NRXN1: variants seen among roughly 807,000 people sequenced by gnomAD.
NRXN1 encodes the protein neurexin 1.
Under a neutral mutation model 150.9 loss-of-function variants are expected in NRXN1, and 39 were observed. The observed-to-expected ratio is 0.26, with a 90% CI of 0.20 to 0.34. The LOEUF is 0.34. Among genes scored for constraint, NRXN1 ranks in the 10% least tolerant of loss-of-function variants. NRXN1 has a pLI of 1.00. For synonymous variants in NRXN1, 924 were observed against 757.0 expected, an observed-to-expected ratio of 1.22 and a Z score of -3.62; for missense variants, 1,815 against 1,949.9, an observed-to-expected ratio of 0.93 and a Z score of 1.30.
chr2:50,340,187 A>G (rs2077457000), intron 17 of NRXN1, among the ~76,000 whole-genome samples: 1 of 152,226 alleles, frequency 6.6e-6, no homozygotes, highest in Non-Finnish European at 1.5e-5. Context: ...ATATGAAGGC[A>G]CTGTGGAAAT....
intron 21 of NRXN1, among the ~76,000 whole-genome samples, chr2:49,959,417 T>C (rs760576076): frequency 3.3e-5 from 5 of 152,240 alleles, no homozygotes; most frequent in Non-Finnish European, 5.9e-5. Flanking sequence ...ATTCACCTGG[T>C]GTACCCTGAA....
intron 17 of NRXN1, among the ~76,000 whole-genome samples, chr2:50,357,023 T>C (rs2078864992): frequency 6.6e-6 from 1 of 151,990 alleles, no homozygotes; most frequent in African/African-American, 2.4e-5. Context: ...AGGCCTGAAA[T>C]CTTAGCACTT....
At position 50,277,406 on chromosome 2, in the gene NRXN1, T is replaced by TCCTTC. The variant is rs1356374716; in HGVS notation, c.3365-40441_3365-40437dup. 7.2e-4 allele frequency among the ~76,000 whole-genome samples: 65 copies of TCCTTC among 90,882 alleles called. 1 individual carries two copies. The highest frequency in any genetic ancestry group is 2.7e-3 in the African/African-American group (64 of 23,664). 59.6% of individuals were successfully genotyped at this position (90,882 alleles called of 152,430 possible). Reference sequence around the variant, plus strand: ...CGTCCTTCCTTCCTTCCTTCCTCCCTCCTTCCCTTCCTTCCTTCCTCCCTC... The same window carrying TCCTTC: ...CGTCCTTCCTTCCTTCCTTCCTCCCTCCTTCCCTTCCCTTCCTTCCTTCCTCCCTC... On this transcript the variant is annotated intron_variant, in intron 17 of 22. Coordinates refer to ENST00000401669, the MANE Select transcript of NRXN1 (RefSeq NM_001330078.2).
At chr2:50,764,637 A>T (rs1325615859) in intron 5 of NRXN1, among the ~76,000 whole-genome samples, 1 of 151,998 alleles carries the variant, frequency 6.6e-6, no homozygotes, top group African/African-American at 2.4e-5. Context: ...TTGCTCAGCC[A>T]TATTGTTAGT....
rs922004304 is a variant in NRXN1, at chr2:50,829,733, G to A, written c.832+92136C>T. ...CCAGAGCTCGCCCACGGTTGGCAGC[G>A]CCCAAGGTTGCACGGCATGGCCCGC... On this transcript the variant is annotated intron_variant, in intron 5 of 22. Transcript: ENST00000401669. 18 of 1,586,134 alleles carry A rather than the reference G, an allele frequency of 1.1e-5. No homozygotes were observed. In the East Asian group the frequency reaches 1.4e-4, roughly 12 times the overall value.
chr2:50,663,739 G>A (rs1194869732), intron 5 of NRXN1, among the ~76,000 whole-genome samples: 1 of 151,976 alleles, frequency 6.6e-6, no homozygotes, highest in African/African-American at 2.4e-5. Context: ...ATTCACATAT[G>A]AATCATCCAG....
intron 17 of NRXN1, among the ~76,000 whole-genome samples, chr2:50,323,076 C>G (rs1275332466): frequency 6.6e-6 from 1 of 152,198 alleles, no homozygotes; most frequent in Non-Finnish European, 1.5e-5. Context: ...TCATATCCTT[C>G]ATAAAACTTA....
intron 17 of NRXN1, among the ~76,000 whole-genome samples, chr2:50,330,542 C>A (rs1337963164): frequency 6.6e-6 from 1 of 152,074 alleles, no homozygotes. Context: ...CCTTCCCCAA[C>A]CCAGAAGTTA....
At chr2:50,759,382 T>C (rs188040238) in intron 5 of NRXN1, among the ~76,000 whole-genome samples, 1 of 152,026 alleles carries the variant, frequency 6.6e-6, no homozygotes, top group Admixed American at 6.6e-5. Context: ...TGTATCTTTT[T>C]ATCTTGGGCT....
intron 17 of NRXN1, among the ~76,000 whole-genome samples, chr2:50,297,926 C>T (rs935680941): frequency 4.6e-5 from 7 of 152,040 alleles, no homozygotes; most frequent in African/African-American, 1.4e-4. Context: ...AAACAAAATC[C>T]GGGCACTTGA....
Position 50,528,829 on chromosome 2 carries a change from T to C in NRXN1, c.2348-178A>G, listed in dbSNP as rs558650611. The C allele has an allele frequency of 8.0e-6, 4 of 497,116 alleles. No individual in the cohort carries two copies. The South Asian group carries it at 1.0e-4, about 13-fold the overall frequency. 30.8% of individuals were successfully genotyped at this position (497,116 alleles called of 1,614,324 possible). A position where few individuals can be genotyped will look rare whatever the true frequency, so the allele number is the denominator to read the frequency against. On this transcript the variant is annotated intron_variant, in intron 11 of 22. Transcript: ENST00000401669. ...GATGTTTTGTTATAAAAGTTTACCA[T>C]TGGAAACAACAATAGAAGGTTTTAA...
chr2:50,687,108 A>G (rs1294917446), intron 5 of NRXN1, among the ~76,000 whole-genome samples: 1 of 152,176 alleles, frequency 6.6e-6, no homozygotes, highest in African/African-American at 2.4e-5. Context: ...TAACAAGGTA[A>G]TATCTGCAAA....
chr2:49,927,873 T>G (rs1013278010), intron 22 of NRXN1, among the ~76,000 whole-genome samples: 1 of 152,156 alleles, frequency 6.6e-6, no homozygotes, highest in South Asian at 2.1e-4. Context: ...ATCTTATATA[T>G]ATATTTTGGT....
chr2:50,913,062 A>G (rs1264394099), intron 5 of NRXN1: 4 of 151,866 alleles, frequency 2.6e-5, no homozygotes, highest in Non-Finnish European at 4.4e-5. Flanking sequence ...CACTGCTGAG[A>G]AAACAATTCA....
At chr2:50,236,026 C>T (rs1455068423) in intron 18 of NRXN1, among the ~76,000 whole-genome samples, 1 of 152,036 alleles carries the variant, frequency 6.6e-6, no homozygotes, top group African/African-American at 2.4e-5. Flanking sequence ...GAGTTGCAAA[C>T]ATACTCATTA....
At chr2:50,634,591 C>A (rs1682947459) in intron 5 of NRXN1, among the ~76,000 whole-genome samples, 1 of 151,946 alleles carries the variant, frequency 6.6e-6, no homozygotes, top group Admixed American at 6.6e-5. Context: ...ACTTCTTTTC[C>A]CCATCTCTTA....
At chr2:50,633,505 T>C (rs1682727243) in intron 5 of NRXN1, among the ~76,000 whole-genome samples, 2 of 150,862 alleles carry the variant, frequency 1.3e-5, no homozygotes, top group Non-Finnish European at 3.0e-5. Context: ...CAAGGCTTTT[T>C]GGTTTATTTT....
chr2:50,060,039 C>G (rs950065228), intron 19 of NRXN1, among the ~76,000 whole-genome samples: 1 of 152,190 alleles, frequency 6.6e-6, no homozygotes, highest in South Asian at 2.1e-4. Flanking sequence ...AAGAGGGCCA[C>G]TGTCCTCCAG....
intron 17 of NRXN1, among the ~76,000 whole-genome samples, chr2:50,263,028 C>T (rs985030891): frequency 8.6e-5 from 13 of 151,876 alleles, no homozygotes; most frequent in African/African-American, 3.1e-4. Context: ...CTCATGTTTT[C>T]TTCTGAGTTA....
Sources: allele counts gnomAD v4.1 joint callset (sites outside exome capture counted in the v4.1 genomes callset), GRCh38; gene constraint gnomAD v4.1.1; transcripts MANE v1.5; gene names NCBI Gene and HGNC (gene_info 2026-07-23, HGNC 2026-07-21).